MYO5B: variants seen among roughly 807,000 people sequenced by gnomAD.
MYO5B encodes myosin VB.
Under a neutral mutation model 229.3 loss-of-function variants are expected in MYO5B, and 143 were observed. The observed-to-expected ratio is 0.62, with a 90% CI of 0.54 to 0.72. The LOEUF is 0.72. Among genes scored for constraint, MYO5B ranks in the 30% least tolerant of loss-of-function variants. The pLI is 0.00. For synonymous variants in MYO5B, 918 were observed against 885.2 expected, an observed-to-expected ratio of 1.04 and a Z score of -0.66; for missense variants, 2,321 against 2,331.0, an observed-to-expected ratio of 1.00 and a Z score of 0.09.
At position 49,826,401 on chromosome 18, in the gene MYO5B, ATTTAC is replaced by A. The variant is rs2023845727; in HGVS notation, c.*65_*69del. The A allele has an allele frequency of 1.3e-6, 2 of 1,569,716 alleles. No homozygotes were observed. The highest frequency in any genetic ancestry group is 8.7e-7 in the Non-Finnish European group (1 of 1,146,062). On this transcript the variant is annotated 3_prime_UTR_variant, in exon 40 of 40. Transcript: ENST00000285039. ...TTTACCAGATTTAACAGATCCTTGAATTTACTTTACTGTATATACTTCCTTCTTGC... is the reference window on the plus strand; with the variant it reads ...TTTACCAGATTTAACAGATCCTTGAATTTACTGTATATACTTCCTTCTTGC...
chr18:49,903,128 G>A (rs1290495673), intron 20 of MYO5B, among the ~76,000 whole-genome samples: 1 of 152,144 alleles, frequency 6.6e-6, no homozygotes, highest in Non-Finnish European at 1.5e-5. Context: ...GGTTGTAGGG[G>A]CCTAATGATC....
intron 1 of MYO5B, among the ~76,000 whole-genome samples, chr18:50,133,151 C>CA (rs2032280180): frequency 1.3e-5 from 2 of 152,184 alleles, no homozygotes; most frequent in Admixed American, 6.5e-5. Flanking sequence ...GAGTGAGTCT[C>CA]AAGTTCCTTA....
In MYO5B at chr18:49,847,137, G is replaced by C. The variant is rs745742802; in HGVS notation, c.4459+9C>G. 1.2e-6 allele frequency: 2 copies of C among 1,614,018 alleles called. No homozygotes were observed. Among genetic ancestry groups the C allele is most frequent in the Non-Finnish European group, 1.7e-6 (2 of 1,180,000 alleles). On this transcript the variant is annotated intron_variant, in intron 33 of 39. Transcript: ENST00000285039. ...GCAGGCAGCATAGGGTGGCACAGAGGGTCCTTACCTGTCACCAGGTTCCGG... is the reference window on the plus strand; with the variant it reads ...GCAGGCAGCATAGGGTGGCACAGAGCGTCCTTACCTGTCACCAGGTTCCGG...
At chr18:50,072,251 A>AC (rs2030974782) in intron 1 of MYO5B, among the ~76,000 whole-genome samples, 1 of 152,226 alleles carries the variant, frequency 6.6e-6, no homozygotes, top group Admixed American at 6.5e-5. Flanking sequence ...GAAAAAAAAA[A>AC]AACTAACATT....
intron 4 of MYO5B, among the ~76,000 whole-genome samples, chr18:50,032,778 G>GAGTTCGAGACCAGCCTGGTCAAC: frequency 1.3e-5 from 2 of 152,278 alleles, no homozygotes; most frequent in South Asian, 2.1e-4. Context: ...CTGAGGTCAG[G>GAGTTCGAGACCAGCCTGGTCAAC]AGTTCGAGAC....
At chr18:50,041,297 C>A (rs2030007629) in intron 2 of MYO5B, among the ~76,000 whole-genome samples, 1 of 152,096 alleles carries the variant, frequency 6.6e-6, no homozygotes, top group African/African-American at 2.4e-5. Flanking sequence ...TTACATAAAA[C>A]TTTTAGGAAA....
At chr18:50,087,684 T>C (rs896433615) in intron 1 of MYO5B, among the ~76,000 whole-genome samples, 2 of 151,816 alleles carry the variant, frequency 1.3e-5, no homozygotes, top group African/African-American at 2.4e-5. Context: ...AACCTCTAAA[T>C]AAACATGCAG....
intron 1 of MYO5B, among the ~76,000 whole-genome samples, chr18:50,104,421 T>A (rs1035817475): frequency 6.6e-6 from 1 of 152,012 alleles, no homozygotes; most frequent in African/African-American, 2.4e-5. Context: ...TATCTGATCA[T>A]CTATTTGTGG....
intron 4 of MYO5B, among the ~76,000 whole-genome samples, chr18:50,002,035 C>CAAAAAA (rs34864756): frequency 3.9e-5 from 5 of 129,360 alleles, no homozygotes; most frequent in African/African-American, 5.8e-5. Flanking sequence ...AACTCCGTCT[C>CAAAAAA]AAAAAAAAAA....
chr18:50,141,950 C>T (rs2032424494), intron 1 of MYO5B, among the ~76,000 whole-genome samples: 2 of 152,182 alleles, frequency 1.3e-5, no homozygotes, highest in South Asian at 4.1e-4. Flanking sequence ...CATCCACATA[C>T]CATTTCTTCC....
chr18:50,076,806 G>A lies in MYO5B; in HGVS notation c.28-21428C>T, dbSNP rs186912104. Among the ~76,000 whole-genome samples, 561 of 151,994 alleles carry A rather than the reference G, an allele frequency of 3.7e-3. 1 individual carries two copies. The highest frequency in any genetic ancestry group is 5.0e-3 in the Non-Finnish European group (343 of 67,990). ...TCAATTGTTCAGAATATTCCCAATC[G>A]GGTGAAGTAATGTCCAGCGAGTGGC... On this transcript the variant is annotated intron_variant, in intron 1 of 39. Coordinates refer to ENST00000285039, the MANE Select transcript of MYO5B (RefSeq NM_001080467.3).
intron 4 of MYO5B, among the ~76,000 whole-genome samples, chr18:50,007,056 C>T (rs1329407330): frequency 6.6e-6 from 1 of 152,194 alleles, no homozygotes; most frequent in Non-Finnish European, 1.5e-5. Flanking sequence ...TGTCCCGCTG[C>T]AGACTTGGGT....
In MYO5B at chr18:50,194,534, C is replaced by G. The variant is rs8097607; in HGVS notation, c.27+233G>C. The stretch of plus-strand genomic sequence containing the variant: ...GGCTTGGTGCTGAGCCGTGGCGCTG[C>G]GGAACCTCTAGGAGCCGGGTGGCCG... On this transcript the variant is annotated intron_variant, in intron 1 of 39. Coordinates refer to ENST00000285039, the MANE Select transcript of MYO5B (RefSeq NM_001080467.3). Among the ~76,000 whole-genome samples, 73,862 of 152,098 alleles carry G rather than the reference C, an allele frequency of 0.49. 18,739 individuals are homozygous for G. Among genetic ancestry groups the G allele is most frequent in the Admixed American group, 0.58 (8,809 of 15,286 alleles).
chr18:50,081,756 T>G (rs955532225), intron 1 of MYO5B, among the ~76,000 whole-genome samples: 1 of 150,382 alleles, frequency 6.6e-6, no homozygotes. Context: ...ACCTTTTCTA[T>G]TCCACCCCTC....
chr18:50,191,931 G>A (rs2033233540), intron 1 of MYO5B, among the ~76,000 whole-genome samples: 1 of 152,238 alleles, frequency 6.6e-6, no homozygotes, highest in Non-Finnish European at 1.5e-5. Flanking sequence ...ATGACGAAGT[G>A]TGGAGAGAAG....
At chr18:49,851,110 C>T (rs891045640) in intron 31 of MYO5B, 1 of 152,218 alleles carries the variant, frequency 6.6e-6, no homozygotes, top group Non-Finnish European at 1.5e-5. Context: ...AATAAATGCT[C>T]TAATGCCTAT....
At chr18:50,061,578 T>G (rs77758274) in intron 1 of MYO5B, among the ~76,000 whole-genome samples, 1 of 152,150 alleles carries the variant, frequency 6.6e-6, no homozygotes, top group African/African-American at 2.4e-5. Context: ...CCTGAGAGAA[T>G]TGATTCTCAG....
At chr18:50,182,439 G>GA (rs546369917) in intron 1 of MYO5B, among the ~76,000 whole-genome samples, 339 of 152,240 alleles carry the variant, frequency 2.2e-3, no homozygotes, top group Non-Finnish European at 3.1e-3. Flanking sequence ...TTAATTGGGG[G>GA]AAAAATAGGA....
At chr18:49,922,755 A>G (rs1327253626) in intron 17 of MYO5B, among the ~76,000 whole-genome samples, 1 of 152,084 alleles carries the variant, frequency 6.6e-6, no homozygotes, top group Admixed American at 6.6e-5. Context: ...CCTTCCTTAC[A>G]ATTTCCACAA....
Sources: allele counts gnomAD v4.1 joint callset (sites outside exome capture counted in the v4.1 genomes callset), GRCh38; gene constraint gnomAD v4.1.1; transcripts MANE v1.5; gene names NCBI Gene and HGNC (gene_info 2026-07-23, HGNC 2026-07-21).